The following UBA5 variants were observed in gnomAD, a reference collection of about 807,000 sequenced individuals.
UBA5 encodes the protein ubiquitin like modifier activating enzyme 5.
UBA5 carries 28 observed loss-of-function variants against 52.9 expected under a neutral mutation model. The ratio of observed to expected loss-of-function variants is 0.53; its 90% CI spans 0.39 to 0.73. The LOEUF (loss-of-function observed/expected upper bound fraction) is 0.73, where lower values mean the gene tolerates loss of function less well. Ranked by LOEUF, UBA5 falls within the 30% of genes least tolerant of loss-of-function variation. The pLI, the probability that UBA5 is intolerant of heterozygous loss-of-function variation, is 0.00. For synonymous variants in UBA5, 135 were observed against 162.1 expected (o/e 0.83, Z 1.27); for missense variants, 388 against 492.7 (o/e 0.79, Z 2.01).
chr3:132,672,673 A>T (rs1004470918), intron 8 of UBA5, among the ~76,000 whole-genome samples: 21 of 152,308 alleles, frequency 1.4e-4, no homozygotes, highest in Admixed American at 4.6e-4. Context: ...TGTAAATTTT[A>T]CATTTACATA....
chr3:132,668,795 G>T, intron 3 of UBA5, 23 bp from the exon 4 acceptor site: 2 of 1,478,342 alleles, frequency 1.4e-6, no homozygotes, highest in South Asian at 1.2e-5. Flanking sequence ...TTTTTCATCA[G>T]AATACCACTA....
At position 132,660,954 on chromosome 3, in the gene UBA5, C is replaced by G; in HGVS notation, c.161+256C>G. ...CTGCTGAGGACGTGTGTCCAGTTTC[C>G]TATCACCCTTGCCTCTTAATTAGTC... On this transcript the variant is annotated intron_variant, in intron 1 of 11. Coordinates refer to ENST00000356232, the MANE Select transcript of UBA5 (RefSeq NM_024818.6). This position sits in a 1 kb window ranked among gnomAD's most constrained non-coding sequence, Gnocchi z 4.1. 1 of 1,493,904 alleles carries G rather than the reference C, an allele frequency of 6.7e-7. No individual in the cohort carries two copies. The highest frequency in any genetic ancestry group is 8.9e-7 in the Non-Finnish European group (1 of 1,121,294). 92.5% of individuals were successfully genotyped at this position (1,493,904 alleles called of 1,614,324 possible).
intron 4 of UBA5, among the ~76,000 whole-genome samples, chr3:132,669,346 C>T (rs1938508234): frequency 6.6e-6 from 1 of 152,078 alleles, no homozygotes. Flanking sequence ...CGGCTCACTG[C>T]ACCTCCGCCT....
At chr3:132,675,716 A>G (rs1005142420) in intron 10 of UBA5, 36 bp downstream of exon 10, 1 of 1,564,484 alleles carries the variant, frequency 6.4e-7, no homozygotes, top group African/African-American at 1.4e-5. Context: ...TGGCAGTATA[A>G]AACAAAACCT....
Position 132,671,032 on chromosome 3 carries a change from C to G in UBA5, c.562C>G (p.Arg188Gly), listed in dbSNP as rs374052333. 1.2e-6 allele frequency: 2 copies of G among 1,612,932 alleles called. No homozygotes were observed. Among genetic ancestry groups the G allele is most frequent in the South Asian group, 2.2e-5 (2 of 91,032 alleles). ...TAGCTGTGTGGACAATTTTGAAGCT[C>G]GAATGACAATAAATACAGTGAGTAT... ...VLSCVDNFEA[R>G]MTINTACNEL... The change falls in exon 6 of 12, where the codon CGA becomes GGA. Residue 188 changes from arginine to glycine, a missense_variant. Around this residue, in one of 3 missense-constraint regions of UBA5, gnomAD observed 277 missense variants for 326.4 expected, o/e 0.85. Coordinates refer to ENST00000356232, the MANE Select transcript of UBA5 (RefSeq NM_024818.6).
intron 8 of UBA5, among the ~76,000 whole-genome samples, chr3:132,674,999 A>T (rs1282352405): frequency 6.6e-6 from 1 of 152,170 alleles, no homozygotes; most frequent in Non-Finnish European, 1.5e-5. Flanking sequence ...GTTCAAAAAA[A>T]TAGTGTGTTC....
In UBA5 at chr3:132,666,440, T is replaced by G. The variant is rs1576642968; in HGVS notation, c.297+367T>G. On this transcript the variant is annotated intron_variant, in intron 3 of 11. Coordinates refer to ENST00000356232, the MANE Select transcript of UBA5 (RefSeq NM_024818.6). Reference sequence around the variant, plus strand: ...CAGGCAGAATAGAAAACATGTACCTTTCCTACTCTTGATTTTGAACTAGAG... The same window carrying G: ...CAGGCAGAATAGAAAACATGTACCTGTCCTACTCTTGATTTTGAACTAGAG... Among the ~76,000 whole-genome samples, 4 of 152,230 alleles carry G rather than the reference T, an allele frequency of 2.6e-5. No individual in the cohort carries two copies. In the East Asian group the frequency reaches 7.7e-4, roughly 29 times the overall value.
upstream of UBA5, chr3:132,659,859 G>T: frequency 7.3e-7 from 1 of 1,377,854 alleles, no homozygotes; most frequent in Non-Finnish European, 9.6e-7. Flanking sequence ...GGCCGGGGTG[G>T]GGTCTGGCTC....
rs781312726 is a variant in UBA5 at position 132,675,392 on chromosome 3, C to T, written c.948+9C>T. ...AGCAGGAGGAATATAAGGTATATGA[C>T]AATCTGTTAGAATGCATGAGGGATC... On this transcript the variant is annotated intron_variant, in intron 9 of 11. Coordinates refer to ENST00000356232, the MANE Select transcript of UBA5 (RefSeq NM_024818.6). 2 of 1,612,748 alleles carry T rather than the reference C, an allele frequency of 1.2e-6. No individual in the cohort carries two copies. The highest frequency in any genetic ancestry group is 2.7e-5 in the African/African-American group (2 of 74,844).
rs1182024611 is a variant in UBA5 at position 132,675,270 on chromosome 3, G to A, written c.835G>A (p.Val279Ile). The A allele has an allele frequency of 1.2e-6, 2 of 1,607,928 alleles. No individual in the cohort carries two copies. Among genetic ancestry groups the A allele is most frequent in the African/African-American group, 1.3e-5 (1 of 74,888 alleles). The change falls in exon 9 of 12, where the codon GTT becomes ATT. Residue 279 changes from valine to isoleucine, a missense_variant. This residue lies in a region of UBA5 where 277 missense variants were observed against 326.4 expected (regional missense o/e 0.85). Transcript: ENST00000356232. ...VLKFLLNFGT[V>I]SFYLGYNAMQ... Reference sequence around the variant, plus strand: ...TAGGTTTCTGTTAAATTTTGGTACTGTTAGTTTTTACCTTGGATACAATGC... The same window carrying A: ...TAGGTTTCTGTTAAATTTTGGTACTATTAGTTTTTACCTTGGATACAATGC...
chr3:132,657,310 ACT>A (rs1239033689), upstream of UBA5, among the ~76,000 whole-genome samples: 1 of 151,938 alleles, frequency 6.6e-6, no homozygotes, highest in Non-Finnish European at 1.5e-5. Context: ...CTTTCTGTGA[ACT>A]CTCTGTTCTA....
intron 1 of UBA5, among the ~76,000 whole-genome samples, chr3:132,664,364 G>T (rs1394319878): frequency 6.6e-6 from 1 of 152,132 alleles, no homozygotes; most frequent in Non-Finnish European, 1.5e-5. Flanking sequence ...CCTTTGCTTT[G>T]TCATTTTTAT....
chr3:132,679,088 CA>C lies in UBA5; in HGVS notation c.*2566del, dbSNP rs1197553552. Among the ~76,000 whole-genome samples the C allele has an allele frequency of 6.6e-6, 1 of 151,624 alleles. No individual in the cohort carries two copies. Among genetic ancestry groups the C allele is most frequent in the African/African-American group, 2.4e-5 (1 of 41,298 alleles). On this transcript the variant is annotated 3_prime_UTR_variant, in exon 12 of 12. Transcript: ENST00000356232. Reference sequence around the variant, plus strand: ...TTCGAGACCAGCCTGACCAACATGGCAAAACCCCGTCTCTACTAAAAATACA... The same window carrying C: ...TTCGAGACCAGCCTGACCAACATGGCAAACCCCGTCTCTACTAAAAATACA...
At chr3:132,671,137 A>T (rs959700644) in intron 6 of UBA5, 88 bp downstream of exon 6, 5 of 1,125,870 alleles carry the variant, frequency 4.4e-6, no homozygotes, top group East Asian at 2.4e-5. Flanking sequence ...TCCTAAAAAC[A>T]GTTCTGAATG....
Position 132,665,990 on chromosome 3 carries a change from C to T in UBA5, c.214C>T (p.Arg72Cys), listed in dbSNP as rs778957097. The T allele has an allele frequency of 2.5e-5, 40 of 1,613,242 alleles. No homozygotes were observed. In the East Asian group the frequency reaches 4.9e-4, roughly 20 times the overall value. ...ACTATTTTATATTTCACAGAAAATCCGTACCTTTGCCGTAGCAATAGTAGG... is the reference window on the plus strand; with the variant it reads ...ACTATTTTATATTTCACAGAAAATCTGTACCTTTGCCGTAGCAATAGTAGG... ...MGIVSDYEKI[R>C]TFAVAIVGVG... The change falls in exon 3 of 12, where the codon CGT (arginine) becomes TGT (cysteine). Residue 72 changes from arginine to cysteine, a missense_variant. Physicochemically the swap from Arg to Cys is radical, Grantham distance 180 (BLOSUM62 -3). Around this residue, in one of 3 missense-constraint regions of UBA5, gnomAD observed 95 missense variants for 107.0 expected, o/e 0.89. Transcript: ENST00000356232.
chr3:132,656,413 T>C (rs975359419), upstream of UBA5, among the ~76,000 whole-genome samples: 1 of 152,160 alleles, frequency 6.6e-6, no homozygotes. Context: ...TCATGTTGAG[T>C]TATTTTTCAA....
chr3:132,669,947 G>A (rs1938531297), intron 4 of UBA5, among the ~76,000 whole-genome samples: 1 of 152,172 alleles, frequency 6.6e-6, no homozygotes, highest in South Asian at 2.1e-4. Flanking sequence ...CTTCTCTAAG[G>A]TATGTTAAAT....
At chr3:132,661,996 C>T (rs1250504514) in intron 1 of UBA5, among the ~76,000 whole-genome samples, 2 of 152,120 alleles carry the variant, frequency 1.3e-5, no homozygotes, top group Non-Finnish European at 2.9e-5. Flanking sequence ...ATTTTTAAAA[C>T]ATTTTAAAAT....
intron 4 of UBA5, 131 bp downstream of exon 4, chr3:132,669,058 C>G (rs938142179): frequency 1.1e-4 from 70 of 620,894 alleles, no homozygotes; most frequent in African/African-American, 1.1e-3. Context: ...AATTCTCTTA[C>G]CTGTTGGACA....
Sources: gnomAD v4.1 joint callset for allele counts (sites outside exome capture counted in the v4.1 genomes callset) on GRCh38, gnomAD v4.1.1 for gene constraint, gnomAD v4.1.1 regional missense constraint, Gnocchi (gnomAD v3.1) non-coding constraint, MANE v1.5 for transcripts, NCBI Gene and HGNC (gene_info 2026-07-23, HGNC 2026-07-21) for gene names.